WDFY3: variants seen among roughly 807,000 people sequenced by gnomAD.
The protein encoded by WDFY3 is WD repeat and FYVE domain-containing protein 3.
A neutral mutation model predicts 409.6 loss-of-function variants in WDFY3; 66 were observed. That is an observed-to-expected ratio of 0.16 (90% confidence interval 0.13 to 0.20). The LOEUF is 0.20. Among genes scored for constraint, WDFY3 ranks in the 10% least tolerant of loss-of-function variants. The pLI is 1.00. For synonymous variants in WDFY3, 1,521 were observed against 1,537.1 expected (o/e 0.99, Z 0.25); for missense variants, 3,031 against 4,298.1 (o/e 0.71, Z 8.24).
intron 10 of WDFY3, among the ~76,000 whole-genome samples, chr4:84,825,212 C>T (rs1015442696): frequency 4.6e-5 from 7 of 152,064 alleles, no homozygotes; most frequent in Non-Finnish European, 1.0e-4. Flanking sequence ...ATATCAACAT[C>T]ACATTGATAA....
At chr4:84,827,723 C>G (rs1341858080) in intron 9 of WDFY3, among the ~76,000 whole-genome samples, 1 of 152,128 alleles carries the variant, frequency 6.6e-6, no homozygotes, top group Non-Finnish European at 1.5e-5. Flanking sequence ...ATTTCATCAA[C>G]TTTCATATGT....
chr4:84,720,255 G>C (rs1485497315), intron 47 of WDFY3, among the ~76,000 whole-genome samples: 1 of 152,168 alleles, frequency 6.6e-6, no homozygotes, highest in Non-Finnish European at 1.5e-5. Context: ...AAGGCATCAT[G>C]AAAGTATAGA....
chr4:84,718,512 A>T lies in WDFY3; in HGVS notation c.7664T>A (p.Leu2555His). The change falls in exon 48 of 68, where the codon CTT (leucine) becomes CAT (histidine). Residue 2555 changes from leucine (L) to histidine (H), a missense_variant. Transcript: ENST00000295888. The stretch of plus-strand genomic sequence containing the variant: ...ATAAAAATGCTCTTTACCAAAAAGA[A>T]GGAGCCCCTCACTGGTATCTAGGCC... ...VQGLDTSEGLLLFGKEHFYVI... is the reference protein window; with the variant it reads ...VQGLDTSEGLHLFGKEHFYVI... The T allele has an allele frequency of 6.2e-7, 1 of 1,614,170 alleles. No homozygotes were observed. The highest frequency in any genetic ancestry group is 8.5e-7 in the Non-Finnish European group (1 of 1,180,020).
rs1434522690 is a variant in WDFY3 at position 84,786,130 on chromosome 4, G to C, written c.3911C>G (p.Ala1304Gly). 2 of 1,596,980 alleles carry C rather than the reference G, an allele frequency of 1.3e-6. No homozygotes were observed. The highest frequency in any genetic ancestry group is 1.4e-5 in the African/African-American group (1 of 74,028). ...FQAVCMPCKD[A>G]KSEGVVPSPV... ...GGATGGCACCACCCCTTCGGATTTT[G>C]CATCTTTACCTTCAAAAGAAGAATA... Residue 1304 changes from alanine (A) to glycine (G), a missense_variant, in exon 24 of 68, where the codon GCA becomes GGA. Ala to Gly is a moderately conservative substitution (Grantham distance 60, BLOSUM62 0). Around this residue, in one of 16 missense-constraint regions of WDFY3, gnomAD observed 1,322 missense variants for 1,697.9 expected, o/e 0.78. Coordinates refer to ENST00000295888, the MANE Select transcript of WDFY3 (RefSeq NM_014991.6).
intron 2 of WDFY3, among the ~76,000 whole-genome samples, chr4:84,919,942 T>A (rs1367020728): frequency 6.6e-6 from 1 of 152,188 alleles, no homozygotes; most frequent in Admixed American, 6.5e-5. Context: ...TCAGTACCTA[T>A]AGATATGATA....
At chr4:84,885,327 C>CAT (rs1343929939) in intron 3 of WDFY3, among the ~76,000 whole-genome samples, 1 of 83,724 alleles carries the variant, frequency 1.2e-5, no homozygotes, top group Non-Finnish European at 2.4e-5. Context: ...CATACATATA[C>CAT]ATATGTGTGT....
intron 14 of WDFY3, 182 bp downstream of exon 14, chr4:84,809,702 TAAA>T (rs540179297): frequency 9.1e-4 from 374 of 409,418 alleles, no homozygotes; most frequent in South Asian, 1.4e-3. Flanking sequence ...GCTTCCATGC[TAAA>T]AAAAAAAAAA....
chr4:84,928,072 C>T (rs1349175807), intron 2 of WDFY3, among the ~76,000 whole-genome samples: 3 of 152,134 alleles, frequency 2.0e-5, no homozygotes, highest in Admixed American at 6.5e-5. Flanking sequence ...GGAAGATCTG[C>T]CCTCAATATG....
chr4:84,963,678 C>T (rs1004634164), intron 1 of WDFY3, among the ~76,000 whole-genome samples: 2 of 152,194 alleles, frequency 1.3e-5, no homozygotes, highest in African/African-American at 4.8e-5. Context: ...GCAATTCTAA[C>T]TAAAACATCA....
In WDFY3 at chr4:84,802,912, C is replaced by T. The variant is rs574005650; in HGVS notation, c.2607+378G>A. On this transcript the variant is annotated intron_variant, in intron 16 of 67. Coordinates refer to ENST00000295888, the MANE Select transcript of WDFY3 (RefSeq NM_014991.6). Reference sequence around the variant, plus strand: ...AAAAATCATCACCCAAACTCCAATTCGCTCAAACTCTTGAGTGCAACAAGT... The same window carrying T: ...AAAAATCATCACCCAAACTCCAATTTGCTCAAACTCTTGAGTGCAACAAGT... Among the ~76,000 whole-genome samples, 6 of 152,278 alleles carry T rather than the reference C, an allele frequency of 3.9e-5. No homozygotes were observed. In the South Asian group the frequency reaches 6.2e-4, roughly 16 times the overall value.
intron 5 of WDFY3, among the ~76,000 whole-genome samples, chr4:84,844,852 T>C (rs1017688504): frequency 2.0e-5 from 3 of 152,206 alleles, no homozygotes; most frequent in Non-Finnish European, 2.9e-5. Context: ...CACAACATTA[T>C]GTTTTTGTCA....
At chr4:84,901,839 A>G (rs192832134) in intron 2 of WDFY3, among the ~76,000 whole-genome samples, 1 of 152,248 alleles carries the variant, frequency 6.6e-6, no homozygotes, top group African/African-American at 2.4e-5. Context: ...TCAATAACCC[A>G]TCTCAGTATT....
intron 1 of WDFY3, among the ~76,000 whole-genome samples, chr4:84,935,502 C>CT (rs1180552011): frequency 1.3e-5 from 2 of 152,156 alleles, no homozygotes; most frequent in Non-Finnish European, 2.9e-5. Context: ...CATATTTTCT[C>CT]TCGTATGAAA....
chr4:84,725,538 G>A (rs1389117581), intron 45 of WDFY3, among the ~76,000 whole-genome samples: 1 of 152,140 alleles, frequency 6.6e-6, no homozygotes, highest in Admixed American at 6.5e-5. Context: ...AGAGGGAAAA[G>A]TTTGTATGTA....
rs1469329005 is a variant in WDFY3 at position 84,756,906 on chromosome 4, C to T, written c.5424+20G>A. The T allele has an allele frequency of 6.2e-7, 1 of 1,608,142 alleles. No homozygotes were observed. ...TTTGGAATACGTAATTTCACGCACC[C>T]CTTGCTAGATAATTCCTACCTGGCA... On this transcript the variant is annotated intron_variant, in intron 33 of 67. Coordinates refer to ENST00000295888, the MANE Select transcript of WDFY3 (RefSeq NM_014991.6).
chr4:84,910,787 T>C (rs1189457896), intron 2 of WDFY3, among the ~76,000 whole-genome samples: 1 of 152,094 alleles, frequency 6.6e-6, no homozygotes, highest in Non-Finnish European at 1.5e-5. Context: ...CTCATTGCAA[T>C]CCCTGGCTTC....
chr4:84,714,222 G>A (rs960058113), intron 50 of WDFY3, among the ~76,000 whole-genome samples: 1 of 152,110 alleles, frequency 6.6e-6, no homozygotes, highest in Non-Finnish European at 1.5e-5. Context: ...CTGGGCTTAA[G>A]CAATCCTCCC....
At chr4:84,886,025 C>T (rs1244355834) in intron 3 of WDFY3, among the ~76,000 whole-genome samples, 3 of 151,884 alleles carry the variant, frequency 2.0e-5, no homozygotes, top group African/African-American at 2.4e-5. Flanking sequence ...AAGTTGGACA[C>T]GTCTTAGAAA....
chr4:84,690,719 C>T (rs904515615), intron 60 of WDFY3, 55 bp from the exon 61 acceptor site: 1 of 1,528,758 alleles, frequency 6.5e-7, no homozygotes, highest in Non-Finnish European at 8.8e-7. Context: ...ATACAAACTT[C>T]TGAAACTCAA....
Sources: gnomAD v4.1 joint callset for allele counts (sites outside exome capture counted in the v4.1 genomes callset) on GRCh38, gnomAD v4.1.1 for gene constraint, gnomAD v4.1.1 regional missense constraint, MANE v1.5 for transcripts, NCBI Gene and HGNC (gene_info 2026-07-23, HGNC 2026-07-21) for gene names.